Variants in PRAG1 observed in about 807,000 individuals in gnomAD.
PRAG1 encodes the protein inactive tyrosine-protein kinase PRAG1.
PRAG1 carries 110 observed loss-of-function variants against 95.6 expected under a neutral mutation model. That is an observed-to-expected ratio of 1.15 (90% CI 0.99 to 1.35). The LOEUF is 1.35. PRAG1 is among the 40% of genes most tolerant of loss of function. PRAG1 has a pLI of 0.00. For missense variants in PRAG1, 2,554 were observed against 1,864.7 expected (o/e 1.37, Z -6.81); for synonymous variants, 1,052 against 819.4 (o/e 1.28, Z -4.85).
intron 1 of PRAG1, among the ~76,000 whole-genome samples, chr8:8,383,790 C>A (rs1800760519): frequency 6.6e-6 from 1 of 152,146 alleles, no homozygotes; most frequent in African/African-American, 2.4e-5. Flanking sequence ...GAAGAGGTCA[C>A]TGGGCTTCAA....
intron 4 of PRAG1, among the ~76,000 whole-genome samples, chr8:8,331,529 A>G (rs1798816721): frequency 6.6e-6 from 1 of 152,168 alleles, no homozygotes; most frequent in Non-Finnish European, 1.5e-5. Flanking sequence ...TGCCCCTGAA[A>G]TCAAATAGCT....
rs1222978817 is a variant in PRAG1 at position 8,381,530 on chromosome 8, C to T, written c.218G>A (p.Gly73Asp). Residue 73 changes from glycine to aspartate, a missense_variant, in exon 2 of 6, where the codon GGT (glycine) becomes GAT (aspartate). Transcript: ENST00000615670. ...RPENCRLEDE[G>D]VNSSPYSKPT... ...CTTGGAGTAAGGTGAGCTGTTCACA[C>T]CTTCATCTTCCAGGCGGCAGTTCTC... The T allele has an allele frequency of 1.2e-6, 2 of 1,614,198 alleles. No individual in the cohort carries two copies. The highest frequency in any genetic ancestry group is 1.7e-6 in the Non-Finnish European group (2 of 1,180,020).
At chr8:8,360,334 G>T (rs1799806105) in intron 3 of PRAG1, among the ~76,000 whole-genome samples, 1 of 151,992 alleles carries the variant, frequency 6.6e-6, no homozygotes. Context: ...CATATCCACA[G>T]CCCCTATGGC....
At chr8:8,324,965 C>T (rs946231274) in intron 5 of PRAG1, among the ~76,000 whole-genome samples, 5 of 152,312 alleles carry the variant, frequency 3.3e-5, no homozygotes, top group Admixed American at 1.3e-4. Context: ...TAGGTTCCAG[C>T]ATCAGCAAGG....
chr8:8,377,553 G>A lies in PRAG1; in HGVS notation c.856C>T (p.Pro286Ser), dbSNP rs1235024902. 2 of 1,604,610 alleles carry A rather than the reference G, an allele frequency of 1.2e-6. No individual in the cohort carries two copies. The highest frequency in any genetic ancestry group is 1.7e-5 in the Admixed American group (1 of 59,164). The change falls in exon 3 of 6, where the codon CCC becomes TCC. Residue 286 changes from proline (P) to serine (S), a missense_variant. By Grantham distance (74) the Pro-to-Ser change is moderately conservative. Coordinates refer to ENST00000615670, the MANE Select transcript of PRAG1 (RefSeq NM_001080826.3). ...CACTTCCCCTGCTCCCAGCACGTGG[G>A]TGAGCAGTCCCTGCCACCATGCCTG... Reference protein sequence around the residue: ...RGRHGGRDCSPTCWEQGKCSG... With the variant: ...RGRHGGRDCSSTCWEQGKCSG...
At position 8,328,066 on chromosome 8, in the gene PRAG1, C is replaced by T. The variant is rs200130163; in HGVS notation, c.2716G>A (p.Gly906Arg). The change falls in exon 5 of 6, where the codon GGG becomes AGG. Residue 906 changes from glycine to arginine, a missense_variant. Transcript: ENST00000615670. Reference protein sequence around the residue: ...AGLAGNRGGCGSPGLQCKGAP... With the variant: ...AGLAGNRGGCRSPGLQCKGAP... The stretch of plus-strand genomic sequence containing the variant: ...CCTTTGCACTGGAGGCCAGGGCTCC[C>T]GCAGCCGCCTCTGTTGCCCGCCAGC... 12 of 1,598,686 alleles carry T rather than the reference C, an allele frequency of 7.5e-6. No individual in the cohort carries two copies. In the East Asian group the frequency reaches 1.8e-4, roughly 24 times the overall value.
chr8:8,344,410 TA>T (rs1799268012), intron 3 of PRAG1, among the ~76,000 whole-genome samples: 1 of 152,172 alleles, frequency 6.6e-6, no homozygotes, highest in South Asian at 2.1e-4. Flanking sequence ...GTATAGAGAT[TA>T]AAAACATATA....
At chr8:8,348,434 T>C (rs1253665147) in intron 3 of PRAG1, among the ~76,000 whole-genome samples, 1 of 152,234 alleles carries the variant, frequency 6.6e-6, no homozygotes, top group Non-Finnish European at 1.5e-5. Context: ...CCCCATAGTC[T>C]ATTCATTCCA....
intron 3 of PRAG1, among the ~76,000 whole-genome samples, chr8:8,371,425 T>G (rs1243036535): frequency 6.6e-6 from 1 of 151,902 alleles, no homozygotes; most frequent in Non-Finnish European, 1.5e-5. Context: ...CACGCCTGGC[T>G]AATTTTTTGT....
chr8:8,377,520 G>T lies in PRAG1; in HGVS notation c.889C>A (p.Pro297Thr), dbSNP rs1187219527. The T allele has an allele frequency of 1.3e-6, 2 of 1,575,908 alleles. No homozygotes were observed. The highest frequency in any genetic ancestry group is 2.2e-5 in the East Asian group (1 of 44,476). Residue 297 changes from proline (P) to threonine (T), a missense_variant, in exon 3 of 6, where the codon CCC becomes ACC. By Grantham distance (38) the Pro-to-Thr change is conservative (BLOSUM62 -1). Coordinates refer to ENST00000615670, the MANE Select transcript of PRAG1 (RefSeq NM_001080826.3). ...GGGCCCCGCTTCTCCTGCTCTGCGG[G>T]CCCGGAACACTTCCCCTGCTCCCAG... ...TCWEQGKCSG[P>T]AEQEKRGPSF...
In PRAG1 at chr8:8,377,335, G is replaced by T. The variant is rs371531144; in HGVS notation, c.1074C>A (p.Val358=). 152 of 1,605,540 alleles carry T rather than the reference G, an allele frequency of 9.5e-5. 1 individual carries two copies. Among genetic ancestry groups the T allele is most frequent in the Non-Finnish European group, 2.8e-5 (33 of 1,177,050 alleles). ...GSGSGASSPF[V]PHLESDYCSL... is the part of the protein sequence containing the mutation. The stretch of plus-strand genomic sequence containing the variant: ...AGCAGTAATCACTCTCGAGGTGGGG[G>T]ACGAAGGGGCTACTGGCGCCGCTGC... Residue 358 remains valine (V), a synonymous_variant, in exon 3 of 6, where the codon GTC becomes GTA. Coordinates refer to ENST00000615670, the MANE Select transcript of PRAG1 (RefSeq NM_001080826.3).
intron 5 of PRAG1, among the ~76,000 whole-genome samples, chr8:8,323,774 C>T (rs1276232837): frequency 1.3e-5 from 2 of 152,144 alleles, no homozygotes; most frequent in Non-Finnish European, 2.9e-5. Context: ...TTGTAAATTA[C>T]CCAGTCTCAG....
chr8:8,361,833 G>A (rs724266), intron 3 of PRAG1, among the ~76,000 whole-genome samples: 19,037 of 152,190 alleles, frequency 0.13, 1,568 homozygotes, highest in East Asian at 0.25. Context: ...ATCATCTACT[G>A]CTTCTTTTTG....
At chr8:8,354,037 C>A in intron 3 of PRAG1, among the ~76,000 whole-genome samples, 1 of 149,976 alleles carries the variant, frequency 6.7e-6, no homozygotes. Context: ...ATCAACAAAC[C>A]CCTAGATAGA....
At chr8:8,369,678 T>G (rs1247718674) in intron 3 of PRAG1, among the ~76,000 whole-genome samples, 1 of 150,138 alleles carries the variant, frequency 6.7e-6, no homozygotes, top group African/African-American at 2.5e-5. Context: ...GTGCATCTGG[T>G]CTATTTTGTA....
chr8:8,376,542 G>T lies in PRAG1; in HGVS notation c.1867C>A (p.Gln623Lys). 1 of 1,609,968 alleles carries T rather than the reference G, an allele frequency of 6.2e-7. No homozygotes were observed. The highest frequency in any genetic ancestry group is 8.5e-7 in the Non-Finnish European group (1 of 1,176,944). Reference protein sequence around the residue: ...PQPAASSASEQRRPRFQAGTW... With the variant: ...PQPAASSASEKRRPRFQAGTW... ...CCTGCCTGGAACCTGGGCCGCCTCT[G>T]TTCCGAGGCTGACGAGGCGGCAGGC... Residue 623 changes from glutamine (Q) to lysine (K), a missense_variant, in exon 3 of 6, where the codon CAG (glutamine) becomes AAG (lysine). By Grantham distance (53) the Gln-to-Lys change is moderately conservative. Transcript: ENST00000615670.
intron 5 of PRAG1, among the ~76,000 whole-genome samples, chr8:8,321,472 A>G (rs943747890): frequency 2.0e-5 from 3 of 152,204 alleles, no homozygotes; most frequent in African/African-American, 7.2e-5. Context: ...GTCCTCAAAG[A>G]AAGCATCTTG....
At chr8:8,328,759 C>T (rs1302183339) in intron 4 of PRAG1, among the ~76,000 whole-genome samples, 4 of 151,788 alleles carry the variant, frequency 2.6e-5, no homozygotes, top group East Asian at 3.9e-4. Flanking sequence ...CAAACAAATG[C>T]GTGCCTGCAC....
In PRAG1 at chr8:8,327,792, T is replaced by C. The variant is rs1210607948; in HGVS notation, c.2990A>G (p.Asn997Ser). 1 of 1,614,070 alleles carries C rather than the reference T, an allele frequency of 6.2e-7. No individual in the cohort carries two copies. The highest frequency in any genetic ancestry group is 1.3e-5 in the African/African-American group (1 of 74,924). The change falls in exon 5 of 6, where the codon AAC becomes AGC. Residue 997 changes from asparagine (N) to serine (S), a missense_variant. Coordinates refer to ENST00000615670, the MANE Select transcript of PRAG1 (RefSeq NM_001080826.3). ...NNWSLFKLTC[N>S]KPCCDSGDAI... ...ATCCCCCGAGTCACAGCAGGGCTTGTTACAAGTCAGCTTGAAGAGCGACCA... is the reference window on the plus strand; with the variant it reads ...ATCCCCCGAGTCACAGCAGGGCTTGCTACAAGTCAGCTTGAAGAGCGACCA...
Sources: allele counts gnomAD v4.1 joint callset (sites outside exome capture counted in the v4.1 genomes callset), GRCh38; gene constraint gnomAD v4.1.1; transcripts MANE v1.5; gene names NCBI Gene and HGNC (gene_info 2026-07-23, HGNC 2026-07-21).